Variants in PLA2G4C observed in about 807,000 individuals in gnomAD.
PLA2G4C encodes the protein phospholipase A2 group IVC.
In PLA2G4C, 64 loss-of-function variants were observed where a neutral mutation model predicts 73.8. The observed-to-expected ratio is 0.87, with a 90% CI of 0.71 to 1.07. The LOEUF (loss-of-function observed/expected upper bound fraction) is 1.07, where lower values mean the gene tolerates loss of function less well. Ranked by LOEUF, PLA2G4C falls within the 50% of genes least tolerant of loss-of-function variation. The pLI is 0.00. For missense variants in PLA2G4C, 622 were observed against 665.4 expected, an observed-to-expected ratio of 0.93 and a Z score of 0.72; for synonymous variants, 254 against 252.1, an observed-to-expected ratio of 1.01 and a Z score of -0.07.
chr19:48,059,289 C>T (rs557958550), intron 14 of PLA2G4C, among the ~76,000 whole-genome samples: 2 of 128,404 alleles, frequency 1.6e-5, no homozygotes, highest in South Asian at 5.1e-4. Flanking sequence ...AAAAAAAATT[C>T]TGTTTATTAC....
At chr19:48,092,139 T>G (rs1268021032) in intron 7 of PLA2G4C, among the ~76,000 whole-genome samples, 1 of 152,024 alleles carries the variant, frequency 6.6e-6, no homozygotes, top group Non-Finnish European at 1.5e-5. Context: ...AGCTTCCGCC[T>G]CTCGAGATCA....
At chr19:48,071,690 C>G (rs911423587) in intron 12 of PLA2G4C, among the ~76,000 whole-genome samples, 2 of 151,740 alleles carry the variant, frequency 1.3e-5, no homozygotes, top group African/African-American at 4.8e-5. Flanking sequence ...CTCAAGCGAC[C>G]CTCCCGCCTC....
rs541398408 is a variant in PLA2G4C at position 48,049,253 on chromosome 19, A to G, written c.1581-865T>C. ...CAGATCAAGGTCTTTCCCACTCCAGACACTTTGCATTTACTTTTCCTTTGC... is the reference window on the plus strand; with the variant it reads ...CAGATCAAGGTCTTTCCCACTCCAGGCACTTTGCATTTACTTTTCCTTTGC... On this transcript the variant is annotated intron_variant, in intron 16 of 16. Transcript: ENST00000599921. Among the ~76,000 whole-genome samples, 30 of 152,224 alleles carry G rather than the reference A, an allele frequency of 2.0e-4. No individual in the cohort carries two copies. In the South Asian group the frequency reaches 4.8e-3, roughly 24 times the overall value.
intron 1 of PLA2G4C, among the ~76,000 whole-genome samples, chr19:48,109,498 C>T (rs1458917115): frequency 6.6e-6 from 1 of 152,104 alleles, no homozygotes; most frequent in Non-Finnish European, 1.5e-5. Flanking sequence ...TCTTGAACTC[C>T]TAGGCTCAAG....
intron 7 of PLA2G4C, among the ~76,000 whole-genome samples, chr19:48,094,304 T>C (rs1054015990): frequency 6.6e-6 from 1 of 152,212 alleles, no homozygotes; most frequent in African/African-American, 2.4e-5. Context: ...TACATACTTA[T>C]TTTTGTGTGT....
intron 12 of PLA2G4C, among the ~76,000 whole-genome samples, chr19:48,068,639 C>A (rs1271804695): frequency 6.6e-6 from 1 of 151,236 alleles, no homozygotes; most frequent in Non-Finnish European, 1.5e-5. Context: ...CTGAAGTGAA[C>A]TATGTATGAT....
At chr19:48,110,400 C>A in intron 1 of PLA2G4C, 87 bp downstream of exon 1, 1 of 782,256 alleles carries the variant, frequency 1.3e-6, no homozygotes, top group Non-Finnish European at 1.9e-6. Context: ...AAAAAGAAAT[C>A]CTGTTATTTA....
intron 14 of PLA2G4C, among the ~76,000 whole-genome samples, chr19:48,057,492 T>C (rs1967999106): frequency 1.2e-5 from 1 of 86,548 alleles, no homozygotes; most frequent in African/African-American, 4.0e-5. Context: ...TCTTTTTTTT[T>C]TTTTTTTTTT....
intron 10 of PLA2G4C, among the ~76,000 whole-genome samples, chr19:48,083,422 T>A (rs1464896538): frequency 6.9e-6 from 1 of 144,732 alleles, no homozygotes; most frequent in Non-Finnish European, 1.5e-5. Flanking sequence ...TTGTTTCATT[T>A]CTTTTTTTTC....
rs763637485 is a variant in PLA2G4C, at chr19:48,110,530, G to GCGC, written c.-77_-76insGCG. On this transcript the variant is annotated 5_prime_UTR_variant, in exon 1 of 17. Coordinates refer to ENST00000599921, the MANE Select transcript of PLA2G4C (RefSeq NM_003706.3). ...CGTGTGCGCATGCGCGGTGGAGCTT[G>GCGC]TGCTCCGGAATCCGGTGCGGAGGCT... 13 of 1,534,362 alleles carry GCGC rather than the reference G, an allele frequency of 8.5e-6. No individual in the cohort carries two copies. In the African/African-American group the frequency reaches 1.6e-4, roughly 19 times the overall value.
At position 48,099,769 on chromosome 19, in the gene PLA2G4C, C is replaced by A. The variant is rs201445769; in HGVS notation, c.349G>T (p.Ala117Ser). The A allele has an allele frequency of 5.0e-6, 8 of 1,613,804 alleles. No individual in the cohort carries two copies. Among genetic ancestry groups the A allele is most frequent in the Non-Finnish European group, 6.8e-6 (8 of 1,179,848 alleles). Residue 117 changes from alanine (A) to serine (S), a missense_variant, in exon 5 of 17, where the codon GCT (alanine) becomes TCT (serine). By Grantham distance (99) the Ala-to-Ser change is moderately conservative. Coordinates refer to ENST00000599921, the MANE Select transcript of PLA2G4C (RefSeq NM_003706.3). ...HRFTRQEWDL[A>S]KSLQKTIQAA... ...TGGATGGTTTTCTGTAGGCTCTTAG[C>A]CAAGTCCCACTCCTGTCGGGTAAAT...
rs1188419327 is a variant in PLA2G4C at position 48,053,159 on chromosome 19, C to A, written c.1430-12G>T. The A allele has an allele frequency of 6.4e-7, 1 of 1,555,430 alleles. No individual in the cohort carries two copies. The highest frequency in any genetic ancestry group is 8.7e-7 in the Non-Finnish European group (1 of 1,142,874). Reference sequence around the variant, plus strand: ...TGCCTCAATATCACCTGAAGCATAACCAAACCAACAAAGAAAAGGCATCAT... The same window carrying A: ...TGCCTCAATATCACCTGAAGCATAAACAAACCAACAAAGAAAAGGCATCAT... On this transcript the variant is annotated splice_polypyrimidine_tract_variant and intron_variant, in intron 15 of 16. Transcript: ENST00000599921.
chr19:48,108,215 G>A (rs1312815587), intron 1 of PLA2G4C, among the ~76,000 whole-genome samples: 1 of 152,156 alleles, frequency 6.6e-6, no homozygotes, highest in African/African-American at 2.4e-5. Flanking sequence ...GCTCACTGCA[G>A]CCTCCAACTC....
chr19:48,051,389 C>G (rs1197495429), intron 16 of PLA2G4C, among the ~76,000 whole-genome samples: 2 of 152,240 alleles, frequency 1.3e-5, no homozygotes, highest in Admixed American at 1.3e-4. Context: ...TTAACTGACT[C>G]ACAGTTCCAT....
chr19:48,101,121 TATA>T (rs1396808437), intron 4 of PLA2G4C, among the ~76,000 whole-genome samples: 16 of 61,284 alleles, frequency 2.6e-4, no homozygotes, highest in Non-Finnish European at 4.0e-4. Flanking sequence ...TATATATATA[TATA>T]TATTTTTTTT....
intron 4 of PLA2G4C, among the ~76,000 whole-genome samples, chr19:48,100,780 A>T (rs71355800): frequency 0.29 from 43,169 of 147,996 alleles, 9,634 homozygotes; most frequent in African/African-American, 0.64. Flanking sequence ...GTGGTTGCAG[A>T]CCCAGCTACT....
intron 1 of PLA2G4C, among the ~76,000 whole-genome samples, chr19:48,108,047 C>A (rs1374276189): frequency 6.6e-6 from 1 of 152,164 alleles, no homozygotes; most frequent in Non-Finnish European, 1.5e-5. Context: ...GGGCCACTAT[C>A]GGTCTCTGCG....
intron 14 of PLA2G4C, among the ~76,000 whole-genome samples, chr19:48,058,507 C>G (rs1280731028): frequency 6.6e-6 from 1 of 152,068 alleles, no homozygotes; most frequent in African/African-American, 2.4e-5. Context: ...AATTTACTGT[C>G]ATAAGTACCT....
intron 10 of PLA2G4C, among the ~76,000 whole-genome samples, chr19:48,078,668 G>A (rs180977265): frequency 8.6e-5 from 13 of 151,808 alleles, no homozygotes; most frequent in East Asian, 3.9e-4. Flanking sequence ...AACCAAGGAG[G>A]TGAAAGACTG....
Sources: gnomAD v4.1 joint callset for allele counts (sites outside exome capture counted in the v4.1 genomes callset) on GRCh38, gnomAD v4.1.1 for gene constraint, MANE v1.5 for transcripts, NCBI Gene and HGNC (gene_info 2026-07-23, HGNC 2026-07-21) for gene names.